TMEFF2: variants seen among roughly 807,000 people sequenced by gnomAD.
TMEFF2 encodes transmembrane protein with EGF like and two follistatin like domains 2.
TMEFF2 carries 28 observed loss-of-function variants against 53.8 expected under a neutral mutation model. The observed-to-expected ratio is 0.52, with a 90% CI of 0.39 to 0.71. The LOEUF is 0.71. Ranked by LOEUF, TMEFF2 falls within the 30% of genes least tolerant of loss-of-function variation. TMEFF2 has a pLI of 0.00. For synonymous variants in TMEFF2, 162 were observed against 166.3 expected (o/e 0.97, Z 0.20); for missense variants, 353 against 455.2 (o/e 0.78, Z 2.04).
chr2:192,102,510 G>C (rs1293374394), intron 4 of TMEFF2, among the ~76,000 whole-genome samples: 1 of 151,354 alleles, frequency 6.6e-6, no homozygotes, highest in African/African-American at 2.4e-5. Flanking sequence ...CTTTGCAGTT[G>C]TCCCCAGTGG....
intron 4 of TMEFF2, among the ~76,000 whole-genome samples, chr2:192,154,306 G>A (rs908774933): frequency 7.9e-5 from 12 of 152,012 alleles, no homozygotes; most frequent in African/African-American, 2.9e-4. Flanking sequence ...CAGGGTTGGT[G>A]TGTGATAGAG....
chr2:192,085,709 G>GAAA (rs3053715), intron 4 of TMEFF2, among the ~76,000 whole-genome samples: 198 of 142,288 alleles, frequency 1.4e-3, no homozygotes, highest in Middle Eastern at 3.6e-3. Flanking sequence ...ATAGAAGCAG[G>GAAA]AAAAAAAAAA....
At chr2:192,040,851 G>T (rs775496524) in intron 5 of TMEFF2, among the ~76,000 whole-genome samples, 1 of 152,046 alleles carries the variant, frequency 6.6e-6, no homozygotes, top group Non-Finnish European at 1.5e-5. Context: ...TTCAATAAGG[G>T]TGTCCAAAAA....
At chr2:192,047,291 A>C (rs1687647413) in intron 5 of TMEFF2, among the ~76,000 whole-genome samples, 1 of 152,096 alleles carries the variant, frequency 6.6e-6, no homozygotes, top group African/African-American at 2.4e-5. Flanking sequence ...ATTTTATTTT[A>C]TTTCTTATTT....
intron 7 of TMEFF2, among the ~76,000 whole-genome samples, chr2:191,972,323 T>TC (rs1381939504): frequency 7.0e-6 from 1 of 142,542 alleles, no homozygotes; most frequent in Non-Finnish European, 1.5e-5. Flanking sequence ...TTTTTTTTTT[T>TC]TTTTTTTTTT....
chr2:192,109,995 A>G (rs542521755), intron 4 of TMEFF2, among the ~76,000 whole-genome samples: 3 of 152,234 alleles, frequency 2.0e-5, no homozygotes, highest in African/African-American at 7.2e-5. Context: ...GAATAAGGAA[A>G]GGAGATGAAA....
chr2:191,981,244 G>A (rs1457008429), intron 7 of TMEFF2, among the ~76,000 whole-genome samples: 6 of 152,052 alleles, frequency 3.9e-5, no homozygotes, highest in Admixed American at 3.3e-4. Flanking sequence ...TTCATTCCAT[G>A]CTTTAGCCAT....
At chr2:192,102,233 C>T (rs1183180533) in intron 4 of TMEFF2, among the ~76,000 whole-genome samples, 1 of 152,194 alleles carries the variant, frequency 6.6e-6, no homozygotes, top group African/African-American at 2.4e-5. Context: ...ACTTCTCTTT[C>T]AGCTTTTAGC....
At chr2:192,018,846 A>G (rs1686798402) in intron 5 of TMEFF2, among the ~76,000 whole-genome samples, 1 of 152,114 alleles carries the variant, frequency 6.6e-6, no homozygotes, top group Non-Finnish European at 1.5e-5. Flanking sequence ...GTAGCAAAAT[A>G]ACTTTGCTAC....
Position 192,029,105 on chromosome 2 carries a change from T to A in TMEFF2, c.536+28574A>T, listed in dbSNP as rs984806975. ...AGATTATAAAAATAATACTCTGGCA[T>A]CCACCTCTTCTCCCCCTCCCCCCAC... On this transcript the variant is annotated intron_variant, in intron 5 of 9. Transcript: ENST00000272771. 3 of 45,572 alleles carry A rather than the reference T, an allele frequency of 6.6e-5. No homozygotes were observed. In the Admixed American group the frequency reaches 9.7e-4, roughly 15 times the overall value. 2.8% of individuals were successfully genotyped at this position (45,572 alleles called of 1,614,324 possible).
At chr2:192,081,908 C>T (rs1012224241) in intron 4 of TMEFF2, among the ~76,000 whole-genome samples, 19 of 149,572 alleles carry the variant, frequency 1.3e-4, no homozygotes, top group African/African-American at 4.0e-4. Context: ...TCATGCCATT[C>T]TCCTGCCTCA....
chr2:192,108,847 G>A (rs1253860604), intron 4 of TMEFF2, among the ~76,000 whole-genome samples: 3 of 151,950 alleles, frequency 2.0e-5, no homozygotes, highest in Non-Finnish European at 4.4e-5. Context: ...TATAGATACT[G>A]ATGGAATATT....
intron 4 of TMEFF2, among the ~76,000 whole-genome samples, chr2:192,095,892 G>C (rs901065724): frequency 3.6e-4 from 55 of 152,224 alleles, no homozygotes; most frequent in African/African-American, 1.3e-3. Flanking sequence ...ATCCTTCCTA[G>C]TTTTTGACAT....
At chr2:192,010,068 T>C (rs1475497910) in intron 5 of TMEFF2, among the ~76,000 whole-genome samples, 1 of 152,234 alleles carries the variant, frequency 6.6e-6, no homozygotes, top group Non-Finnish European at 1.5e-5. Flanking sequence ...ATAATGTTTC[T>C]TTGTAAACAA....
intron 4 of TMEFF2, among the ~76,000 whole-genome samples, chr2:192,152,633 GA>G (rs201468069): frequency 0.023 from 3,476 of 152,030 alleles, 111 homozygotes; most frequent in African/African-American, 0.078. Context: ...TAGTTGCTAT[GA>G]ATCTATTTTA....
At chr2:192,141,309 C>T (rs1449420350) in intron 4 of TMEFF2, among the ~76,000 whole-genome samples, 3 of 151,710 alleles carry the variant, frequency 2.0e-5, no homozygotes, top group East Asian at 3.9e-4. Flanking sequence ...AAAAATTAGC[C>T]GGGCATGGTG....
At chr2:192,056,637 CA>C (rs1207148294) in intron 5 of TMEFF2, among the ~76,000 whole-genome samples, 1 of 152,168 alleles carries the variant, frequency 6.6e-6, no homozygotes, top group African/African-American at 2.4e-5. Context: ...GTTACTCCAT[CA>C]TCTTAGAAGT....
chr2:192,146,027 T>G (rs1362731550), intron 4 of TMEFF2, among the ~76,000 whole-genome samples: 1 of 151,944 alleles, frequency 6.6e-6, no homozygotes, highest in Admixed American at 6.6e-5. Flanking sequence ...CGTTTACTCC[T>G]GTGTTTACTA....
At position 192,194,465 on chromosome 2, in the gene TMEFF2, G is replaced by A. The variant is rs1691555708; in HGVS notation, c.60C>T (p.Cys20=). 3 of 1,614,164 alleles carry A rather than the reference G, an allele frequency of 1.9e-6. No homozygotes were observed. Among genetic ancestry groups the A allele is most frequent in the Middle Eastern group, 1.7e-4 (1 of 6,052 alleles). Reference sequence around the variant, plus strand: ...GCATGACGGGCAGCAGCAGCAGCCAGCAAAAGCCCTCGCAAAGTGTCCAGC... The same window carrying A: ...GCATGACGGGCAGCAGCAGCAGCCAACAAAAGCCCTCGCAAAGTGTCCAGC... ...CSSWTLCEGF[C]WLLLLPVMLL... is the part of the protein sequence containing the mutation. The change falls in exon 1 of 10, where the codon TGC becomes TGT. Residue 20 remains cysteine, a synonymous_variant. Coordinates refer to ENST00000272771, the MANE Select transcript of TMEFF2 (RefSeq NM_016192.4). The surrounding 1 kb of genome is among the most constrained non-coding windows in gnomAD (Gnocchi z 4.2).
Sources: gnomAD v4.1 joint callset for allele counts (sites outside exome capture counted in the v4.1 genomes callset) on GRCh38, gnomAD v4.1.1 for gene constraint, Gnocchi (gnomAD v3.1) non-coding constraint, MANE v1.5 for transcripts, NCBI Gene and HGNC (gene_info 2026-07-23, HGNC 2026-07-21) for gene names.